LRFN5: variants seen among roughly 807,000 people sequenced by gnomAD.
LRFN5 encodes the protein leucine-rich repeat and fibronectin type-III domain-containing protein 5.
Under a neutral mutation model 45.6 loss-of-function variants are expected in LRFN5, and 24 were observed. The observed-to-expected ratio is 0.53, with a 90% CI of 0.38 to 0.74. The LOEUF is 0.74. Among genes scored for constraint, LRFN5 ranks in the 30% least tolerant of loss-of-function variants. LRFN5 has a pLI of 0.00. For missense variants in LRFN5, 776 were observed against 861.5 expected, an observed-to-expected ratio of 0.90 and a Z score of 1.24; for synonymous variants, 340 against 313.8, an observed-to-expected ratio of 1.08 and a Z score of -0.88.
chr14:41,620,750 T>C (rs1888101180), intron 1 of LRFN5, among the ~76,000 whole-genome samples: 1 of 151,990 alleles, frequency 6.6e-6, no homozygotes, highest in Non-Finnish European at 1.5e-5. Flanking sequence ...TTCCCAATGA[T>C]GTTGGGGAAA....
intron 1 of LRFN5, chr14:41,742,501 TC>T (rs1473559443): frequency 6.6e-6 from 1 of 152,188 alleles, no homozygotes; most frequent in Admixed American, 6.6e-5. Flanking sequence ...CTTGATATCA[TC>T]CTACCTACTG....
intron 2 of LRFN5, among the ~76,000 whole-genome samples, chr14:41,832,825 A>C (rs1394320507): frequency 1.3e-5 from 2 of 152,180 alleles, no homozygotes; most frequent in Non-Finnish European, 2.9e-5. Context: ...GATAATGGTA[A>C]ATATAATACC....
At chr14:41,709,988 GT>G (rs924912408) in intron 1 of LRFN5, among the ~76,000 whole-genome samples, 24 of 151,174 alleles carry the variant, frequency 1.6e-4, no homozygotes, top group East Asian at 1.9e-4. Context: ...CCTGTATTCA[GT>G]TTTTTTTTCT....
intron 5 of LRFN5, among the ~76,000 whole-genome samples, chr14:41,900,380 A>G (rs189464580): frequency 1.3e-5 from 2 of 152,136 alleles, no homozygotes; most frequent in Non-Finnish European, 2.9e-5. Context: ...TATTATTATA[A>G]ATGGAATTTA....
At chr14:41,774,085 G>T (rs570164251) in intron 2 of LRFN5, among the ~76,000 whole-genome samples, 2 of 152,264 alleles carry the variant, frequency 1.3e-5, no homozygotes, top group South Asian at 4.1e-4. Flanking sequence ...ATGAGAAAAT[G>T]ATGAGTTTAC....
chr14:41,808,486 A>G (rs537280650), intron 2 of LRFN5, among the ~76,000 whole-genome samples: 7 of 124,002 alleles, frequency 5.6e-5, no homozygotes, highest in East Asian at 5.8e-4. Flanking sequence ...AGTATACCCA[A>G]TTGTGGCCAG....
intron 2 of LRFN5, among the ~76,000 whole-genome samples, chr14:41,814,663 T>C: frequency 6.6e-6 from 1 of 152,220 alleles, no homozygotes; most frequent in Admixed American, 6.5e-5. Flanking sequence ...CAATTCGTGC[T>C]TCTAATTACT....
chr14:41,897,473 C>T (rs1388294064), intron 4 of LRFN5, among the ~76,000 whole-genome samples: 1 of 151,868 alleles, frequency 6.6e-6, no homozygotes, highest in African/African-American at 2.4e-5. Flanking sequence ...TATATATGTG[C>T]TCAACAAATA....
intron 1 of LRFN5, among the ~76,000 whole-genome samples, chr14:41,659,477 G>A (rs1237098675): frequency 6.6e-6 from 1 of 152,026 alleles, no homozygotes; most frequent in Admixed American, 6.6e-5. Flanking sequence ...TTGGTTCCAG[G>A]TATTTGCTAT....
chr14:41,658,032 A>G (rs925681796), intron 1 of LRFN5, among the ~76,000 whole-genome samples: 3 of 152,090 alleles, frequency 2.0e-5, no homozygotes, highest in African/African-American at 7.2e-5. Context: ...AACATTTAAA[A>G]ATACCTTATG....
intron 2 of LRFN5, among the ~76,000 whole-genome samples, chr14:41,773,044 A>C (rs2138896533): frequency 6.6e-6 from 1 of 152,302 alleles, no homozygotes; most frequent in Non-Finnish European, 1.5e-5. Flanking sequence ...AAAACACAAA[A>C]TTGAGATGTC....
At chr14:41,890,354 A>G (rs1447135948) in intron 3 of LRFN5, among the ~76,000 whole-genome samples, 2 of 152,300 alleles carry the variant, frequency 1.3e-5, no homozygotes, top group East Asian at 1.9e-4. Flanking sequence ...ATGTATAGAT[A>G]AAAACATAAC....
At chr14:41,700,975 A>G (rs1882818721) in intron 1 of LRFN5, 1 of 152,152 alleles carries the variant, frequency 6.6e-6, no homozygotes. Flanking sequence ...GTTCCTAGCT[A>G]ATACAAAATG....
chr14:41,894,963 T>C (rs1278666870), intron 4 of LRFN5: 5 of 973,480 alleles, frequency 5.1e-6, no homozygotes, highest in Non-Finnish European at 6.1e-6. Flanking sequence ...ATGAAGATTA[T>C]ATATACATAT....
intron 2 of LRFN5, among the ~76,000 whole-genome samples, chr14:41,865,389 G>A (rs567934777): frequency 3.7e-4 from 57 of 152,220 alleles, no homozygotes; most frequent in African/African-American, 1.2e-3. Context: ...ATGGTATTGC[G>A]TATATCAGTA....
chr14:41,894,924 CT>C, intron 4 of LRFN5: 3 of 983,464 alleles, frequency 3.1e-6, no homozygotes, highest in Non-Finnish European at 3.6e-6. Flanking sequence ...TCTGAAGCAT[CT>C]GGTTTGCTGT....
At chr14:41,883,143 C>T (rs1181733459) in intron 2 of LRFN5, among the ~76,000 whole-genome samples, 1 of 147,496 alleles carries the variant, frequency 6.8e-6, no homozygotes, top group East Asian at 2.1e-4. Flanking sequence ...TGAGTCACCA[C>T]CCCCCGCCAT....
intron 2 of LRFN5, among the ~76,000 whole-genome samples, chr14:41,782,710 A>T (rs1886572024): frequency 6.6e-6 from 1 of 152,138 alleles, no homozygotes; most frequent in Admixed American, 6.6e-5. Context: ...CTCTAGTTGA[A>T]GGTGCCAGAG....
At chr14:41,766,497 AG>A (rs1885888496) in intron 1 of LRFN5, among the ~76,000 whole-genome samples, 1 of 152,214 alleles carries the variant, frequency 6.6e-6, no homozygotes, top group South Asian at 2.1e-4. Context: ...CGTAAGTAGT[AG>A]GTGATGCTTA....
Sources: gnomAD v4.1 joint callset for allele counts (sites outside exome capture counted in the v4.1 genomes callset) on GRCh38, gnomAD v4.1.1 for gene constraint, MANE v1.5 for transcripts, NCBI Gene and HGNC (gene_info 2026-07-23, HGNC 2026-07-21) for gene names.